The following SPAG16 variants were observed in gnomAD, a reference collection of about 807,000 sequenced individuals.
SPAG16 encodes the protein sperm-associated antigen 16 protein.
Under a neutral mutation model 80.4 loss-of-function variants are expected in SPAG16, and 86 were observed. That is an observed-to-expected ratio of 1.07 (90% CI 0.90 to 1.28). The LOEUF (loss-of-function observed/expected upper bound fraction) is 1.28. Among genes scored for constraint, SPAG16 ranks in the 50% most tolerant of loss-of-function variants. SPAG16 has a pLI of 0.00. For missense variants in SPAG16, 870 were observed against 765.3 expected, an observed-to-expected ratio of 1.14 and a Z score of -1.61; for synonymous variants, 294 against 265.9, an observed-to-expected ratio of 1.11 and a Z score of -1.03.
chr2:214,044,650 T>C (rs1185578085), intron 13 of SPAG16, among the ~76,000 whole-genome samples: 1 of 152,170 alleles, frequency 6.6e-6, no homozygotes, highest in African/African-American at 2.4e-5. Flanking sequence ...AAAGACAGTC[T>C]TGAATTGCCA....
At chr2:213,471,199 A>G (rs949937329) in intron 9 of SPAG16, among the ~76,000 whole-genome samples, 2 of 152,062 alleles carry the variant, frequency 1.3e-5, no homozygotes, top group African/African-American at 4.8e-5. Context: ...TCCTCTTTCA[A>G]CTGATCATAG....
intron 9 of SPAG16, among the ~76,000 whole-genome samples, chr2:213,434,991 A>G (rs2070538991): frequency 6.6e-6 from 1 of 152,208 alleles, no homozygotes; most frequent in Admixed American, 6.5e-5. Context: ...ATTATCATAT[A>G]AAAAAGACAC....
chr2:214,073,602 C>T (rs866194243), intron 13 of SPAG16, among the ~76,000 whole-genome samples: 2 of 151,970 alleles, frequency 1.3e-5, no homozygotes, highest in Non-Finnish European at 2.9e-5. Flanking sequence ...AACTCAATAG[C>T]ATAAAGATGT....
chr2:214,193,728 G>T (rs1260521586), intron 15 of SPAG16, among the ~76,000 whole-genome samples: 9 of 151,986 alleles, frequency 5.9e-5, no homozygotes, highest in Admixed American at 3.9e-4. Flanking sequence ...ATTCAGTACA[G>T]GTTATTGTCC....
At chr2:214,356,114 C>T (rs1559238298) in intron 15 of SPAG16, among the ~76,000 whole-genome samples, 1 of 151,092 alleles carries the variant, frequency 6.6e-6, no homozygotes, top group Non-Finnish European at 1.5e-5. Flanking sequence ...GAGTGCAGCA[C>T]ACCAGCATGG....
rs76390655 is a variant in SPAG16, at chr2:213,440,663, C to T, written c.943-49300C>T. On this transcript the variant is annotated intron_variant, in intron 9 of 15. Transcript: ENST00000331683. Reference sequence around the variant, plus strand: ...TTTATTCATGAGAAGTGTGGTACTACTGAGTAGTGATAAAATAACAGTACT... The same window carrying T: ...TTTATTCATGAGAAGTGTGGTACTATTGAGTAGTGATAAAATAACAGTACT... Among the ~76,000 whole-genome samples the T allele has an allele frequency of 6.6e-5, 10 of 152,238 alleles. No individual in the cohort carries two copies. In the East Asian group the frequency reaches 1.9e-3, roughly 29 times the overall value.
At chr2:213,800,667 T>C (rs1371773914) in intron 10 of SPAG16, among the ~76,000 whole-genome samples, 4 of 152,186 alleles carry the variant, frequency 2.6e-5, no homozygotes, top group Non-Finnish European at 5.9e-5. Flanking sequence ...TCTTGACTTA[T>C]ATAAACTAAA....
intron 15 of SPAG16, among the ~76,000 whole-genome samples, 164 bp downstream of exon 15, chr2:214,149,430 G>A (rs754452875): frequency 6.6e-6 from 1 of 151,734 alleles, no homozygotes; most frequent in Non-Finnish European, 1.5e-5. Context: ...ATTACGTATA[G>A]CATGTCATAT....
At chr2:213,574,688 T>TATATATG (rs200541515) in intron 10 of SPAG16, among the ~76,000 whole-genome samples, 59 of 148,278 alleles carry the variant, frequency 4.0e-4, no homozygotes, top group East Asian at 7.8e-4. Flanking sequence ...ATATATGATA[T>TATATATG]ATATATGATA....
At chr2:213,339,585 G>A (rs2064565406) in intron 5 of SPAG16, among the ~76,000 whole-genome samples, 2 of 152,194 alleles carry the variant, frequency 1.3e-5, no homozygotes, top group South Asian at 4.1e-4. Flanking sequence ...CTGTATTACA[G>A]CACTGATATT....
At chr2:213,304,288 A>G (rs1429008881) in intron 3 of SPAG16, among the ~76,000 whole-genome samples, 1 of 152,022 alleles carries the variant, frequency 6.6e-6, no homozygotes, top group African/African-American at 2.4e-5. Context: ...CCCTTTTCAG[A>G]TGGATAGTTT....
At chr2:214,244,760 T>A (rs988894884) in intron 15 of SPAG16, among the ~76,000 whole-genome samples, 4 of 152,166 alleles carry the variant, frequency 2.6e-5, no homozygotes, top group African/African-American at 9.6e-5. Flanking sequence ...TATTTTATCA[T>A]AATCATCTTT....
At chr2:214,406,016 C>T (rs1701978831) in intron 15 of SPAG16, among the ~76,000 whole-genome samples, 1 of 152,114 alleles carries the variant, frequency 6.6e-6, no homozygotes, top group Non-Finnish European at 1.5e-5. Flanking sequence ...TTAAAAATGT[C>T]ATAAAGGTTT....
At chr2:213,961,618 G>A (rs7584161) in intron 12 of SPAG16, among the ~76,000 whole-genome samples, 9,966 of 143,554 alleles carry the variant, frequency 0.069, 577 homozygotes, top group African/African-American at 0.16. Flanking sequence ...TTTGATAAAT[G>A]TTTTTTCAGG....
At chr2:213,404,392 G>A (rs1415565948) in intron 9 of SPAG16, among the ~76,000 whole-genome samples, 4 of 152,104 alleles carry the variant, frequency 2.6e-5, no homozygotes, top group Non-Finnish European at 5.9e-5. Context: ...AGAGCCCTCA[G>A]AAATAATGCT....
At chr2:213,731,831 TG>T (rs1408219588) in intron 10 of SPAG16, among the ~76,000 whole-genome samples, 5 of 152,264 alleles carry the variant, frequency 3.3e-5, no homozygotes, top group Non-Finnish European at 5.9e-5. Flanking sequence ...ATAGTGTATA[TG>T]TACTACATTT....
chr2:213,892,471 A>G (rs1021170521), intron 11 of SPAG16, among the ~76,000 whole-genome samples: 2 of 152,202 alleles, frequency 1.3e-5, no homozygotes, highest in African/African-American at 4.8e-5. Flanking sequence ...CAAGGAATTA[A>G]TAAGTGACTC....
chr2:213,910,837 C>T (rs1360966292), intron 11 of SPAG16, among the ~76,000 whole-genome samples: 1 of 152,042 alleles, frequency 6.6e-6, no homozygotes, highest in African/African-American at 2.4e-5. Context: ...GTATATCAAC[C>T]AGAATTTATT....
At chr2:213,747,068 G>A (rs1375058567) in intron 10 of SPAG16, among the ~76,000 whole-genome samples, 1 of 152,268 alleles carries the variant, frequency 6.6e-6, no homozygotes, top group East Asian at 1.9e-4. Context: ...ACCTTCCGGG[G>A]GACAAGATGT....
Sources: gnomAD v4.1 joint callset for allele counts (sites outside exome capture counted in the v4.1 genomes callset) on GRCh38, gnomAD v4.1.1 for gene constraint, MANE v1.5 for transcripts, NCBI Gene and HGNC (gene_info 2026-07-23, HGNC 2026-07-21) for gene names.